The following CARD14 variants were observed in gnomAD, a reference collection of about 807,000 sequenced individuals.
The protein encoded by CARD14 is caspase recruitment domain-containing protein 14.
In CARD14, 107 loss-of-function variants were observed where a neutral mutation model predicts 111.5. That is an observed-to-expected ratio of 0.96 (90% CI 0.82 to 1.13). CARD14 has a LOEUF of 1.13. Ranked by LOEUF, CARD14 falls within the 50% of genes most tolerant of loss-of-function variation. CARD14 has a pLI of 0.00. For synonymous variants in CARD14, 617 were observed against 579.6 expected (o/e 1.06, Z -0.93); for missense variants, 1,322 against 1,362.3 (o/e 0.97, Z 0.47).
At chr17:80,202,470 A>G (rs1262528659) in intron 18 of CARD14, 50 bp downstream of exon 18, 1 of 1,587,096 alleles carries the variant, frequency 6.3e-7, no homozygotes, top group Non-Finnish European at 8.6e-7. Context: ...CCCACAGGGA[A>G]ATGGCACCCA....
chr17:80,175,951 CGTTTTTTTTTTTTTTTTTTT>C (rs2040014080), intron 2 of CARD14, among the ~76,000 whole-genome samples: 1 of 79,294 alleles, frequency 1.3e-5, no homozygotes, highest in South Asian at 5.2e-4. Context: ...GCTCTCGGAT[CGTTTTTTTTTTTTTTTTTTT>C]TTTTTTTTTT....
At chr17:80,191,109 G>A (rs150369538) in intron 10 of CARD14, among the ~76,000 whole-genome samples, 1 of 152,264 alleles carries the variant, frequency 6.6e-6, no homozygotes, top group African/African-American at 2.4e-5. Context: ...CTTATTCCTG[G>A]TACATGACAC....
Position 80,203,560 on chromosome 17 carries a change from A to T in CARD14, c.2220-262A>T. ...CCCTGTACGCTGGCTGCTCAACAGCACCCCCTGGGTCCCGCCCCAGGACAA... is the reference window on the plus strand; with the variant it reads ...CCCTGTACGCTGGCTGCTCAACAGCTCCCCCTGGGTCCCGCCCCAGGACAA... On this transcript the variant is annotated intron_variant, in intron 18 of 23. Transcript: ENST00000648509. The surrounding 1 kb of genome is among the most constrained non-coding windows in gnomAD (Gnocchi z 4.6). 2 of 434,710 alleles carry T rather than the reference A, an allele frequency of 4.6e-6. No individual in the cohort carries two copies. The highest frequency in any genetic ancestry group is 8.2e-6 in the Non-Finnish European group (2 of 244,554). 26.9% of individuals were successfully genotyped at this position (434,710 alleles called of 1,614,324 possible).
intron 9 of CARD14, among the ~76,000 whole-genome samples, chr17:80,190,199 T>C (rs1339611277): frequency 1.3e-5 from 2 of 151,980 alleles, no homozygotes; most frequent in Non-Finnish European, 2.9e-5. Flanking sequence ...GGAGGGAAAA[T>C]TGTTTTTCTG....
At chr17:80,176,352 A>C (rs1262770254) in intron 2 of CARD14, among the ~76,000 whole-genome samples, 1 of 150,084 alleles carries the variant, frequency 6.7e-6, no homozygotes, top group Non-Finnish European at 1.5e-5. Context: ...AAGGTAGAGG[A>C]TCACTTAAGC....
rs1166708382 is a variant in CARD14, at chr17:80,203,534, G to A, written c.2220-288G>A. ...ATGAATATTGAGGTCCTGGAGTGGGGCCCTGTACGCTGGCTGCTCAACAGC... is the reference window on the plus strand; with the variant it reads ...ATGAATATTGAGGTCCTGGAGTGGGACCCTGTACGCTGGCTGCTCAACAGC... On this transcript the variant is annotated intron_variant, in intron 18 of 23. Transcript: ENST00000648509. This position sits in a 1 kb window ranked among gnomAD's most constrained non-coding sequence, Gnocchi z 4.6. The A allele has an allele frequency of 5.2e-6, 2 of 384,398 alleles. No individual in the cohort carries two copies. The highest frequency in any genetic ancestry group is 8.8e-5 in the East Asian group (2 of 22,672). The allele number at this position is 384,398 out of a possible 1,614,324, so 23.8% of individuals were successfully genotyped here.
chr17:80,201,707 C>A lies in CARD14; in HGVS notation c.1852-37C>A. On this transcript the variant is annotated intron_variant, in intron 16 of 23. Coordinates refer to ENST00000648509, the MANE Select transcript of CARD14 (RefSeq NM_001366385.1). This position sits in a 1 kb window ranked among gnomAD's most constrained non-coding sequence, Gnocchi z 5.0. ...TGTCTTCTGGCTGGATTCAGAGTCC[C>A]GGGGGAAAGAGACTGACCTTCTCGA... 1 of 1,612,016 alleles carries A rather than the reference C, an allele frequency of 6.2e-7. No individual in the cohort carries two copies. The highest frequency in any genetic ancestry group is 8.5e-7 in the Non-Finnish European group (1 of 1,178,652).
At chr17:80,190,290 T>C (rs2040480777) in intron 9 of CARD14, among the ~76,000 whole-genome samples, 1 of 152,134 alleles carries the variant, frequency 6.6e-6, no homozygotes, top group South Asian at 2.1e-4. Context: ...CCTAAGCAAC[T>C]TTCTAGATGC....
chr17:80,206,997 C>T lies in CARD14; in HGVS notation c.2719C>T (p.Leu907=). 6.2e-7 allele frequency: 1 copy of T among 1,613,068 alleles called. No individual in the cohort carries two copies. ...CACCCATGCCCTCCTGGACGTCCAG[C>T]TGGACAGTGTCTGCACCCTGCACAG... ...KNTHALLDVQ[L]DSVCTLHRMD... Residue 907 remains leucine (L), a synonymous_variant, in exon 23 of 24, where the codon CTG becomes TTG. Transcript: ENST00000648509.
chr17:80,195,758 A>G lies in CARD14; in HGVS notation c.1594+106A>G, dbSNP rs149442874. The G allele has an allele frequency of 1.5e-4, 141 of 931,956 alleles. 2 individuals are homozygous for G. In the South Asian group the frequency reaches 1.6e-3, roughly 11 times the overall value. The allele number at this position is 931,956 out of a possible 1,614,324, so 57.7% of individuals were successfully genotyped here. A position where few individuals can be genotyped will look rare whatever the true frequency, so the allele number is the denominator to read the frequency against. ...TCTCTCCAGGGAAAGGGCAGATAGA[A>G]GCAGAGCTCAACTTCTGCCCTGGGC... On this transcript the variant is annotated intron_variant, in intron 14 of 23. Coordinates refer to ENST00000648509, the MANE Select transcript of CARD14 (RefSeq NM_001366385.1). This position sits in a 1 kb window ranked among gnomAD's most constrained non-coding sequence, Gnocchi z 4.7.
Position 80,181,544 on chromosome 17 carries a change from C to G in CARD14, c.106C>G (p.Pro36Ala). The G allele has an allele frequency of 6.3e-7, 1 of 1,576,564 alleles. No individual in the cohort carries two copies. Residue 36 changes from proline (P) to alanine (A), a missense_variant, in exon 5 of 24, where the codon CCC (proline) becomes GCC (alanine). By Grantham distance (27) the Pro-to-Ala change is conservative (BLOSUM62 -1). Transcript: ENST00000648509. Reference sequence around the variant, plus strand: ...CCACAGGATCGTACGCTGCATCTGCCCCAGCCGCCTCACCCCCTACCTGCG... The same window carrying G: ...CCACAGGATCGTACGCTGCATCTGCGCCAGCCGCCTCACCCCCTACCTGCG... ...HRHRIVRCIC[P>A]SRLTPYLRQA...
chr17:80,175,952 G>GTT (rs531556673), intron 2 of CARD14, among the ~76,000 whole-genome samples: 3 of 53,472 alleles, frequency 5.6e-5, no homozygotes, highest in Admixed American at 3.0e-4. Context: ...CTCTCGGATC[G>GTT]TTTTTTTTTT....
chr17:80,196,203 C>G (rs965523883), intron 14 of CARD14: 8 of 152,858 alleles, frequency 5.2e-5, no homozygotes, highest in African/African-American at 1.4e-4. Flanking sequence ...GCGACCGGCT[C>G]CCAGCCTTGG....
intron 4 of CARD14, 80 bp from the exon 5 acceptor site, chr17:80,181,339 T>C: frequency 9.3e-7 from 1 of 1,073,468 alleles, no homozygotes; most frequent in Non-Finnish European, 1.3e-6. Context: ...ACGATGGAGT[T>C]GATTTTAAAA....
chr17:80,186,096 G>C (rs2040334320), intron 7 of CARD14, among the ~76,000 whole-genome samples: 1 of 152,250 alleles, frequency 6.6e-6, no homozygotes, highest in African/African-American at 2.4e-5. Flanking sequence ...CATTTCCCAG[G>C]ATGTAGCTGT....
chr17:80,186,549 T>G (rs2040350345), intron 7 of CARD14, among the ~76,000 whole-genome samples: 1 of 152,112 alleles, frequency 6.6e-6, no homozygotes, highest in Non-Finnish European at 1.5e-5. Context: ...TTTATTTTTA[T>G]TTTTTGGTTT....
In CARD14 at chr17:80,201,784, T is replaced by G; in HGVS notation, c.1892T>G (p.Leu631Arg). ...EASEPLFKAV[L>R]EDTTLEEAVG... is the part of the protein sequence containing the mutation. ...TCAGAGCCCTTGTTCAAGGCAGTCC[T>G]GGAGGACACGACCCTGGAGGAGGCC... The change falls in exon 17 of 24, where the codon CTG (leucine) becomes CGG (arginine). Residue 631 changes from leucine to arginine, a missense_variant. Physicochemically the swap from Leu to Arg is moderately radical, Grantham distance 102. Transcript: ENST00000648509. The surrounding 1 kb of genome is among the most constrained non-coding windows in gnomAD (Gnocchi z 5.0). The G allele has an allele frequency of 6.2e-7, 1 of 1,614,020 alleles. No individual in the cohort carries two copies. The highest frequency in any genetic ancestry group is 2.2e-5 in the East Asian group (1 of 44,882).
chr17:80,191,537 C>T (rs899053280), intron 11 of CARD14, 65 bp downstream of exon 11: 3 of 1,575,700 alleles, frequency 1.9e-6, no homozygotes, highest in African/African-American at 2.7e-5. Context: ...TGGGACAGAG[C>T]TGGGCTCCAG....
Position 80,201,891 on chromosome 17 carries a change from G to C in CARD14, c.1978+21G>C. The C allele has an allele frequency of 6.3e-7, 1 of 1,595,792 alleles. No individual in the cohort carries two copies. Among genetic ancestry groups the C allele is most frequent in the Non-Finnish European group, 8.6e-7 (1 of 1,169,236 alleles). On this transcript the variant is annotated intron_variant, in intron 17 of 23. Coordinates refer to ENST00000648509, the MANE Select transcript of CARD14 (RefSeq NM_001366385.1). The surrounding 1 kb of genome is among the most constrained non-coding windows in gnomAD (Gnocchi z 5.0). ...GGACGGTACACATACCACTCCTCTCGTGTGCACAGCTGCCTGGCCAGACTC... is the reference window on the plus strand; with the variant it reads ...GGACGGTACACATACCACTCCTCTCCTGTGCACAGCTGCCTGGCCAGACTC...
Sources: gnomAD v4.1 joint callset for allele counts (sites outside exome capture counted in the v4.1 genomes callset) on GRCh38, gnomAD v4.1.1 for gene constraint, Gnocchi (gnomAD v3.1) non-coding constraint, MANE v1.5 for transcripts, NCBI Gene and HGNC (gene_info 2026-07-23, HGNC 2026-07-21) for gene names.